The following SGCD variants were observed in gnomAD, a reference collection of about 807,000 sequenced individuals.
SGCD encodes delta-sarcoglycan.
SGCD carries 18 observed loss-of-function variants against 36.6 expected under a neutral mutation model. That is an observed-to-expected ratio of 0.49 (90% CI 0.34 to 0.73). The LOEUF (loss-of-function observed/expected upper bound fraction) is 0.73, where lower values mean the gene tolerates loss of function less well. SGCD is among the 30% of genes least tolerant of loss of function. The probability of loss-of-function intolerance (pLI) is 0.01; values close to 1 mark genes in which losing one functional copy is unlikely to be tolerated. For missense variants in SGCD, 387 were observed against 346.7 expected, an observed-to-expected ratio of 1.12 and a Z score of -0.92; for synonymous variants, 133 against 130.6, an observed-to-expected ratio of 1.02 and a Z score of -0.12.
At chr5:156,010,947 C>G (rs1198210155) in intron 1 of SGCD, among the ~76,000 whole-genome samples, 1 of 152,160 alleles carries the variant, frequency 6.6e-6, no homozygotes, top group Non-Finnish European at 1.5e-5. Context: ...ATTCACATAA[C>G]TTCATTATGC....
At position 156,055,874 on chromosome 5, in the gene SGCD, TG is replaced by T. The variant is rs1402493894; in HGVS notation, c.-281-62003del. On this transcript the variant is annotated intron_variant, in intron 1 of 9. Transcript: ENST00000517913. ...GCCACAATGAAAGCATGGTATTACA[TG>T]CTTAGTGGAATAAAAAACAGAATGG... Among the ~76,000 whole-genome samples, 3 of 146,236 alleles carry T rather than the reference TG, an allele frequency of 2.1e-5. 1 individual carries two copies. The highest frequency in any genetic ancestry group is 3.1e-5 in the Non-Finnish European group (2 of 64,880).
rs551293052 is a variant in SGCD, at chr5:156,672,096, A to C, written c.575+24560A>C. ...AAATTTGAAAAGGATAAATATCCAA[A>C]GTATATCAGACCCCAAATGTCAGAA... On this transcript the variant is annotated intron_variant, in intron 7 of 8. Transcript: ENST00000337851. Among the ~76,000 whole-genome samples the C allele has an allele frequency of 2.0e-5, 3 of 152,358 alleles. No homozygotes were observed. The South Asian group carries it at 6.2e-4, about 32-fold the overall frequency.
chr5:155,831,694 C>G, the SGCD span, among the ~76,000 whole-genome samples: 1 of 152,220 alleles, frequency 6.6e-6, no homozygotes, highest in Non-Finnish European at 1.5e-5. Flanking sequence ...CTGAAATTAA[C>G]ATGGTTGATT....
At chr5:156,428,750 T>C (rs1192678239) in intron 3 of SGCD, among the ~76,000 whole-genome samples, 2 of 152,060 alleles carry the variant, frequency 1.3e-5, no homozygotes, top group African/African-American at 4.8e-5. Context: ...ATTATTCATT[T>C]CAAATAATTT....
At chr5:156,446,879 T>C (rs967745698) in intron 3 of SGCD, among the ~76,000 whole-genome samples, 1 of 152,140 alleles carries the variant, frequency 6.6e-6, no homozygotes, top group African/African-American at 2.4e-5. Context: ...CCTCTCCAAC[T>C]CCTTTATTTT....
chr5:156,041,911 C>T (rs942675819), intron 1 of SGCD, among the ~76,000 whole-genome samples: 1 of 152,046 alleles, frequency 6.6e-6, no homozygotes, highest in African/African-American at 2.4e-5. Flanking sequence ...TGGAATTTGA[C>T]TATACTGAGA....
intron 3 of SGCD, among the ~76,000 whole-genome samples, chr5:156,401,113 G>A (rs1772122452): frequency 6.6e-6 from 1 of 152,184 alleles, no homozygotes; most frequent in South Asian, 2.1e-4. Context: ...TACACATGAA[G>A]TGATTAGAGC....
chr5:156,272,732 G>C (rs1429899197), intron 3 of SGCD, among the ~76,000 whole-genome samples: 1 of 152,156 alleles, frequency 6.6e-6, no homozygotes, highest in African/African-American at 2.4e-5. Context: ...TAATATTCAA[G>C]AGTCATGAAA....
chr5:156,254,858 A>C (rs1593883), intron 3 of SGCD, among the ~76,000 whole-genome samples: 103,846 of 151,938 alleles, frequency 0.68, 36,219 homozygotes, highest in East Asian at 0.92. Context: ...TAAATAAATA[A>C]ATAAATCTCA....
rs566023267 is a variant in SGCD at position 156,738,551 on chromosome 5, A to T, written c.576-19030A>T. 3 of 152,346 alleles carry T rather than the reference A, an allele frequency of 2.0e-5. No homozygotes were observed. The East Asian group carries it at 5.8e-4, about 29-fold the overall frequency. 9.4% of individuals were successfully genotyped at this position (152,346 alleles called of 1,614,324 possible). A position where few individuals can be genotyped will look rare whatever the true frequency, so the allele number is the denominator to read the frequency against. ...ATAGTTGTTAAAGTTTTAGCATGGA[A>T]GAAGAATGGACTATTTTTAGCCACT... is the stretch of plus-strand genomic sequence containing the variant. On this transcript the variant is annotated intron_variant, in intron 7 of 8. Transcript: ENST00000337851.
rs1165038439 is a variant in SGCD, at chr5:156,204,771, C to T, written c.-44+80752C>T. Among the ~76,000 whole-genome samples the T allele has an allele frequency of 2.0e-5, 3 of 151,972 alleles. No homozygotes were observed. The East Asian group carries it at 5.8e-4, about 29-fold the overall frequency. On this transcript the variant is annotated intron_variant, in intron 3 of 9. Coordinates refer to the SGCD transcript ENST00000517913. ...TGGTTTGTGTTTTTCTTTATCTTCA[C>T]AATTGGAGAGGCAAGATCACAATGA... is the stretch of plus-strand genomic sequence containing the variant.
intron 4 of SGCD, among the ~76,000 whole-genome samples, chr5:156,529,087 A>G (rs1757766891): frequency 1.3e-5 from 2 of 152,090 alleles, no homozygotes; most frequent in South Asian, 4.1e-4. Context: ...GACCGTAGTA[A>G]CTGCTGAGTA....
intron 7 of SGCD, among the ~76,000 whole-genome samples, chr5:156,655,649 T>G (rs1763643246): frequency 6.6e-6 from 1 of 152,164 alleles, no homozygotes; most frequent in Non-Finnish European, 1.5e-5. Context: ...AAGGTAATTC[T>G]GAAGTAAAGA....
At chr5:155,792,754 A>C in the SGCD span, among the ~76,000 whole-genome samples, 1 of 152,160 alleles carries the variant, frequency 6.6e-6, no homozygotes, top group Admixed American at 6.5e-5. Flanking sequence ...TAAAAAAATA[A>C]CAGGCTGATG....
At chr5:156,601,914 C>T (rs1581235049) in intron 6 of SGCD, among the ~76,000 whole-genome samples, 1 of 152,136 alleles carries the variant, frequency 6.6e-6, no homozygotes, top group Non-Finnish European at 1.5e-5. Context: ...ATCTCCTGAC[C>T]TTGTGATCTG....
chr5:156,316,462 T>C (rs1355076213), intron 3 of SGCD, among the ~76,000 whole-genome samples: 1 of 151,674 alleles, frequency 6.6e-6, no homozygotes, highest in Non-Finnish European at 1.5e-5. Context: ...AACACAAAAA[T>C]AATAGGAATC....
At chr5:156,681,656 C>T (rs572584080) in intron 7 of SGCD, among the ~76,000 whole-genome samples, 1 of 152,232 alleles carries the variant, frequency 6.6e-6, no homozygotes, top group South Asian at 2.1e-4. Flanking sequence ...ATGTTTGACG[C>T]TGGAGAGGAA....
chr5:156,249,756 C>A (rs1581195175), intron 3 of SGCD, among the ~76,000 whole-genome samples: 2 of 151,098 alleles, frequency 1.3e-5, no homozygotes, highest in East Asian at 3.9e-4. Flanking sequence ...TCATTGCCTG[C>A]TACATACAAA....
At position 156,369,043 on chromosome 5, in the gene SGCD, T is replaced by C. The variant is rs73812203; in HGVS notation, c.192+24366T>C. On this transcript the variant is annotated intron_variant, in intron 3 of 8. Transcript: ENST00000337851. ...AAGGCAGTGAGGTACACCAGATGATTCCCTGTAATTCTCTGCAGCTCTGAG... is the reference window on the plus strand; with the variant it reads ...AAGGCAGTGAGGTACACCAGATGATCCCCTGTAATTCTCTGCAGCTCTGAG... Among the ~76,000 whole-genome samples, 860 of 152,276 alleles carry C rather than the reference T, an allele frequency of 5.6e-3. 10 individuals are homozygous for C. The highest frequency in any genetic ancestry group is 0.02 in the African/African-American group (817 of 41,538).
Sources: allele counts gnomAD v4.1 joint callset (sites outside exome capture counted in the v4.1 genomes callset), GRCh38; gene constraint gnomAD v4.1.1; transcripts MANE v1.5; gene names NCBI Gene and HGNC (gene_info 2026-07-23, HGNC 2026-07-21).